The following CNTN5 variants were observed in gnomAD, a reference collection of about 807,000 sequenced individuals.
CNTN5 encodes contactin 5.
A neutral mutation model predicts 129.1 loss-of-function variants in CNTN5; 77 were observed. The ratio of observed to expected loss-of-function variants is 0.60; its 90% CI spans 0.50 to 0.72. The LOEUF is 0.72. Ranked by LOEUF, CNTN5 falls within the 30% of genes least tolerant of loss-of-function variation. The probability of loss-of-function intolerance (pLI) is 0.00; values close to 1 mark genes in which losing one functional copy is unlikely to be tolerated. For synonymous variants in CNTN5, 509 were observed against 465.6 expected (o/e 1.09, Z -1.20); for missense variants, 1,478 against 1,328.8 (o/e 1.11, Z -1.75).
At chr11:99,314,582 C>T (rs1165575621) in intron 1 of CNTN5, among the ~76,000 whole-genome samples, 2 of 151,900 alleles carry the variant, frequency 1.3e-5, no homozygotes, top group East Asian at 3.9e-4. Context: ...CAGGTGAAAC[C>T]ACCGGATTGA....
chr11:99,444,932 TA>T (rs1233168854), intron 2 of CNTN5, among the ~76,000 whole-genome samples: 1 of 151,568 alleles, frequency 6.6e-6, no homozygotes, highest in Non-Finnish European at 1.5e-5. Context: ...TGTGCCTGAA[TA>T]CTCATATGAT....
intron 6 of CNTN5, among the ~76,000 whole-genome samples, chr11:99,852,595 C>G (rs9804441): frequency 2.0e-5 from 3 of 152,196 alleles, no homozygotes; most frequent in African/African-American, 7.2e-5. Flanking sequence ...TTTTTTAATT[C>G]AAGTACAACC....
intron 3 of CNTN5, among the ~76,000 whole-genome samples, chr11:99,816,364 C>G (rs1382739040): frequency 1.3e-5 from 2 of 152,098 alleles, no homozygotes; most frequent in Non-Finnish European, 2.9e-5. Flanking sequence ...ATCTCTCTGA[C>G]GAACCTGCGT....
At chr11:99,622,624 C>T (rs973294134) in intron 3 of CNTN5, among the ~76,000 whole-genome samples, 2 of 152,042 alleles carry the variant, frequency 1.3e-5, no homozygotes, top group Non-Finnish European at 2.9e-5. Context: ...AGCATAGATG[C>T]TGAGCCAACT....
chr11:99,864,414 T>C (rs749401229), intron 6 of CNTN5, among the ~76,000 whole-genome samples: 10 of 152,130 alleles, frequency 6.6e-5, no homozygotes, highest in Non-Finnish European at 1.2e-4. Context: ...GCACGTAATA[T>C]TCTAATCTTA....
intron 2 of CNTN5, among the ~76,000 whole-genome samples, chr11:99,460,425 A>C (rs1187274981): frequency 6.6e-6 from 1 of 151,942 alleles, no homozygotes; most frequent in African/African-American, 2.4e-5. Flanking sequence ...GTATTTTTCC[A>C]TTATTTTCAG....
At chr11:99,762,208 T>G (rs1387239659) in intron 3 of CNTN5, among the ~76,000 whole-genome samples, 2 of 127,548 alleles carry the variant, frequency 1.6e-5, no homozygotes, top group Non-Finnish European at 3.4e-5. Flanking sequence ...TCTCCCATTT[T>G]GTAGGTTGCC....
chr11:99,259,022 T>A (rs538517227), intron 1 of CNTN5, among the ~76,000 whole-genome samples: 2 of 151,878 alleles, frequency 1.3e-5, no homozygotes, highest in African/African-American at 4.8e-5. Context: ...AGGCAAAGTA[T>A]AGTATTATTT....
intron 13 of CNTN5, among the ~76,000 whole-genome samples, chr11:100,181,604 C>T (rs539161952): frequency 9.9e-5 from 15 of 151,730 alleles, no homozygotes; most frequent in South Asian, 4.2e-4. Context: ...TTAAGATGAA[C>T]GCGTATAAAA....
chr11:100,047,678 G>T (rs764335020), intron 9 of CNTN5, among the ~76,000 whole-genome samples: 2 of 152,152 alleles, frequency 1.3e-5, no homozygotes, highest in Non-Finnish European at 2.9e-5. Context: ...TGAAATCAGG[G>T]ATACCCAGAT....
chr11:99,377,454 T>A (rs533660344), intron 2 of CNTN5, among the ~76,000 whole-genome samples: 16 of 152,230 alleles, frequency 1.1e-4, no homozygotes, highest in Middle Eastern at 3.4e-3. Context: ...TAGTTTTTTT[T>A]AAATATTGTT....
At chr11:100,278,838 T>C (rs187216396) in intron 18 of CNTN5, among the ~76,000 whole-genome samples, 1 of 152,120 alleles carries the variant, frequency 6.6e-6, no homozygotes, top group Non-Finnish European at 1.5e-5. Context: ...CTTCCAGTAC[T>C]ATGCTGAAAA....
At chr11:99,234,301 A>G (rs1302542740) in intron 1 of CNTN5, among the ~76,000 whole-genome samples, 3 of 152,120 alleles carry the variant, frequency 2.0e-5, no homozygotes, top group Non-Finnish European at 2.9e-5. Flanking sequence ...AGGAAGGCAA[A>G]GAGATTAAGA....
intron 8 of CNTN5, among the ~76,000 whole-genome samples, chr11:99,981,867 T>C (rs1388625763): frequency 6.6e-6 from 1 of 152,208 alleles, no homozygotes; most frequent in Non-Finnish European, 1.5e-5. Flanking sequence ...TCAGAGCCCA[T>C]ATCAGCCAAA....
chr11:99,639,373 C>G (rs1414326820), intron 3 of CNTN5, among the ~76,000 whole-genome samples: 1 of 152,148 alleles, frequency 6.6e-6, no homozygotes, highest in Non-Finnish European at 1.5e-5. Flanking sequence ...GATATTTTCC[C>G]CATAGTCTTG....
At chr11:99,128,266 G>T (rs557762524) in intron 1 of CNTN5, among the ~76,000 whole-genome samples, 1 of 152,128 alleles carries the variant, frequency 6.6e-6, no homozygotes, top group Non-Finnish European at 1.5e-5. Flanking sequence ...AGGGGTGACC[G>T]CCACTACTGT....
At position 99,637,394 on chromosome 11, in the gene CNTN5, T is replaced by C. The variant is rs573022344; in HGVS notation, c.55+81125T>C. Among the ~76,000 whole-genome samples, 83 of 152,282 alleles carry C rather than the reference T, an allele frequency of 5.5e-4. 1 individual carries two copies. Among genetic ancestry groups the C allele is most frequent in the Middle Eastern group, 3.4e-3 (1 of 294 alleles). The stretch of plus-strand genomic sequence containing the variant: ...AGCGTTGTATATAGCATAATACTTG[T>C]ATAAATTGAATAAACATAAGCAAAC... On this transcript the variant is annotated intron_variant, in intron 3 of 24. Transcript: ENST00000524871.
intron 23 of CNTN5, among the ~76,000 whole-genome samples, chr11:100,347,686 C>T (rs1195055781): frequency 6.6e-6 from 1 of 152,022 alleles, no homozygotes; most frequent in Non-Finnish European, 1.5e-5. Context: ...CTCACTGATA[C>T]TGTGTCTCCC....
intron 3 of CNTN5, among the ~76,000 whole-genome samples, chr11:99,574,235 T>A (rs1399121050): frequency 7.2e-5 from 11 of 152,218 alleles, no homozygotes; most frequent in Admixed American, 3.3e-4. Flanking sequence ...GGACACAAAC[T>A]CATCCTTTTT....
Sources: allele counts gnomAD v4.1 joint callset (sites outside exome capture counted in the v4.1 genomes callset), GRCh38; gene constraint gnomAD v4.1.1; transcripts MANE v1.5; gene names NCBI Gene and HGNC (gene_info 2026-07-23, HGNC 2026-07-21).